The following MTREX variants were observed in gnomAD, a reference collection of about 807,000 sequenced individuals.
MTREX encodes the protein Mtr4 exosome RNA helicase, also known as exosome RNA helicase MTR4.
MTREX carries 76 observed loss-of-function variants against 135.4 expected under a neutral mutation model. The ratio of observed to expected loss-of-function variants is 0.56; its 90% CI spans 0.47 to 0.68. The LOEUF (loss-of-function observed/expected upper bound fraction) is 0.68, where lower values mean the gene tolerates loss of function less well. Among genes scored for constraint, MTREX ranks in the 30% least tolerant of loss-of-function variants. MTREX has a pLI of 0.00. For missense variants in MTREX, 920 were observed against 1,262.1 expected, an observed-to-expected ratio of 0.73 and a Z score of 4.11; for synonymous variants, 404 against 401.6, an observed-to-expected ratio of 1.01 and a Z score of -0.07.
chr5:55,327,493 A>T (rs1285081541), intron 3 of MTREX: 2 of 453,644 alleles, frequency 4.4e-6, no homozygotes, highest in African/African-American at 3.9e-5. Context: ...TTCAATTATT[A>T]CCCTTAGACA....
At chr5:55,349,708 C>A in intron 12 of MTREX, 56 bp downstream of exon 12, 1 of 921,670 alleles carries the variant, frequency 1.1e-6, no homozygotes, top group Non-Finnish European at 1.8e-6. Flanking sequence ...TGCATATATT[C>A]ACTTTACATT....
chr5:55,425,412 A>T lies in MTREX; in HGVS notation c.*640A>T. 1 of 1,308,126 alleles carries T rather than the reference A, an allele frequency of 7.6e-7. No homozygotes were observed. 81.0% of individuals were successfully genotyped at this position (1,308,126 alleles called of 1,614,324 possible). Reference sequence around the variant, plus strand: ...ACAAAGTTGTGATCAACAGCATCCTAAGATAAATATAAACAAAAGGATATA... The same window carrying T: ...ACAAAGTTGTGATCAACAGCATCCTTAGATAAATATAAACAAAAGGATATA... On this transcript the variant is annotated 3_prime_UTR_variant, in exon 27 of 27. Transcript: ENST00000230640.
intron 7 of MTREX, among the ~76,000 whole-genome samples, chr5:55,342,355 C>T (rs952220902): frequency 5.3e-5 from 8 of 152,192 alleles, no homozygotes; most frequent in African/African-American, 1.7e-4. Flanking sequence ...TCTAATAGCT[C>T]ACCAGTAGAA....
intron 16 of MTREX, among the ~76,000 whole-genome samples, chr5:55,376,724 G>A (rs10471944): frequency 0.14 from 21,383 of 152,134 alleles, 1,883 homozygotes; most frequent in East Asian, 0.26. Context: ...GGCCAATTCT[G>A]ATGTCCCTTC....
intron 18 of MTREX, among the ~76,000 whole-genome samples, chr5:55,382,582 T>C (rs1450074355): frequency 6.6e-6 from 1 of 152,152 alleles, no homozygotes; most frequent in Non-Finnish European, 1.5e-5. Flanking sequence ...TTTTTATTGC[T>C]TTTTGAAAAT....
At chr5:55,323,532 C>T (rs1468013959) in intron 2 of MTREX, among the ~76,000 whole-genome samples, 2 of 152,082 alleles carry the variant, frequency 1.3e-5, no homozygotes, top group Non-Finnish European at 2.9e-5. Context: ...AGGTGATTCT[C>T]CTGCCTCAAT....
chr5:55,366,582 A>G (rs1354190234), intron 15 of MTREX, 143 bp from the exon 16 acceptor site: 4 of 550,882 alleles, frequency 7.3e-6, no homozygotes, highest in African/African-American at 2.0e-5. Flanking sequence ...GTTTTATTTT[A>G]TATTGGTTAA....
At chr5:55,397,225 A>G (rs1174212762) in intron 19 of MTREX, among the ~76,000 whole-genome samples, 191 bp from the exon 20 acceptor site, 2 of 152,126 alleles carry the variant, frequency 1.3e-5, no homozygotes, top group African/African-American at 2.4e-5. Context: ...ACTGGTTTTT[A>G]TTTTTTAAAT....
intron 12 of MTREX, among the ~76,000 whole-genome samples, chr5:55,350,391 C>G (rs1749807077): frequency 6.6e-6 from 1 of 152,092 alleles, no homozygotes; most frequent in South Asian, 2.1e-4. Flanking sequence ...TTCTTCCTGG[C>G]TGAATTATTA....
At chr5:55,411,076 G>A (rs765367358) in intron 23 of MTREX, among the ~76,000 whole-genome samples, 105 of 152,260 alleles carry the variant, frequency 6.9e-4, no homozygotes, top group Middle Eastern at 3.4e-3. Flanking sequence ...TCATGGGCAC[G>A]GTTTGAGGTA....
intron 25 of MTREX, among the ~76,000 whole-genome samples, chr5:55,421,391 A>C (rs1225614603): frequency 1.3e-5 from 2 of 152,244 alleles, no homozygotes; most frequent in African/African-American, 4.8e-5. Flanking sequence ...CAACAACCAC[A>C]GTCATTGTAT....
chr5:55,337,975 A>T (rs1749581650), intron 5 of MTREX, among the ~76,000 whole-genome samples: 1 of 152,126 alleles, frequency 6.6e-6, no homozygotes, highest in Non-Finnish European at 1.5e-5. Context: ...AAAATATTGA[A>T]AACTTGCCCT....
At chr5:55,422,622 A>AG (rs778390930) in intron 25 of MTREX, among the ~76,000 whole-genome samples, 21 of 152,138 alleles carry the variant, frequency 1.4e-4, no homozygotes, top group Admixed American at 9.2e-4. Context: ...CCCTCCTTCT[A>AG]GGGCATTTTG....
chr5:55,372,793 G>A (rs972121534), intron 16 of MTREX, among the ~76,000 whole-genome samples: 39 of 151,982 alleles, frequency 2.6e-4, no homozygotes, highest in African/African-American at 7.2e-4. Context: ...GTGAATTTAC[G>A]TAATTTTGGA....
chr5:55,376,087 G>T (rs1750296729), intron 16 of MTREX, among the ~76,000 whole-genome samples: 1 of 152,202 alleles, frequency 6.6e-6, no homozygotes, highest in African/African-American at 2.4e-5. Flanking sequence ...CCAAGTCGTG[G>T]AGTTTAATCC....
At chr5:55,317,749 A>G (rs1281997089) in intron 1 of MTREX, among the ~76,000 whole-genome samples, 1 of 152,228 alleles carries the variant, frequency 6.6e-6, no homozygotes, top group Non-Finnish European at 1.5e-5. Context: ...ACCGAAAGCC[A>G]TTGCAACAAA....
Position 55,372,718 on chromosome 5 carries a change from C to T in MTREX, c.1811-5596C>T, listed in dbSNP as rs111604546. On this transcript the variant is annotated intron_variant, in intron 16 of 26. Transcript: ENST00000230640. ...GTAATAAAGTTGCACCCTTACCTCA[C>T]GCCATATACAAAAAGTAACTCAGAT... Among the ~76,000 whole-genome samples, 847 of 152,104 alleles carry T rather than the reference C, an allele frequency of 5.6e-3. 3 individuals carry two copies. Among genetic ancestry groups the T allele is most frequent in the African/African-American group, 0.02 (810 of 41,478 alleles).
At chr5:55,333,590 T>C (rs1749508880) in intron 5 of MTREX, among the ~76,000 whole-genome samples, 1 of 152,098 alleles carries the variant, frequency 6.6e-6, no homozygotes. Context: ...CTCTAAAACT[T>C]GGGCTAGGAA....
rs938882991 is a variant in MTREX at position 55,399,774 on chromosome 5, A to T, written c.2293-459A>T. 2.0e-5 allele frequency among the ~76,000 whole-genome samples: 3 copies of T among 152,214 alleles called. 1 individual carries two copies. The highest frequency in any genetic ancestry group is 7.2e-5 in the African/African-American group (3 of 41,454). Reference sequence around the variant, plus strand: ...AGTGCTGGGATTACAGGCGTGAGCCACCGCGCCTGGCCCTCAGGACTTTTT... The same window carrying T: ...AGTGCTGGGATTACAGGCGTGAGCCTCCGCGCCTGGCCCTCAGGACTTTTT... On this transcript the variant is annotated intron_variant, in intron 20 of 26. Coordinates refer to ENST00000230640, the MANE Select transcript of MTREX (RefSeq NM_015360.5).
Sources: allele counts gnomAD v4.1 joint callset (sites outside exome capture counted in the v4.1 genomes callset), GRCh38; gene constraint gnomAD v4.1.1; transcripts MANE v1.5; gene names NCBI Gene and HGNC (gene_info 2026-07-23, HGNC 2026-07-21).